Variants in E2F7 observed in about 807,000 individuals in gnomAD.
E2F7 encodes the protein transcription factor E2F7.
E2F7 carries 35 observed loss-of-function variants against 81.1 expected under a neutral mutation model. The observed-to-expected ratio is 0.43, with a 90% confidence interval of 0.33 to 0.57. E2F7 has a LOEUF of 0.57. Ranked by LOEUF, E2F7 falls within the 20% of genes least tolerant of loss-of-function variation. The pLI is 0.04. For missense variants in E2F7, 961 were observed against 1,093.7 expected (o/e 0.88, Z 1.71); for synonymous variants, 416 against 416.2 (o/e 1.00, Z 0.01).
intron 7 of E2F7, among the ~76,000 whole-genome samples, chr12:77,035,793 A>G (rs1412230088): frequency 1.3e-5 from 2 of 152,174 alleles, no homozygotes; most frequent in East Asian, 1.9e-4. Flanking sequence ...ACACTAAAAC[A>G]TATACTAGTA....
rs1201868587 is a variant in E2F7, at chr12:77,025,803, C to G, written c.2320G>C (p.Ala774Pro). The G allele has an allele frequency of 6.2e-7, 1 of 1,613,962 alleles. No individual in the cohort carries two copies. The highest frequency in any genetic ancestry group is 8.5e-7 in the Non-Finnish European group (1 of 1,180,020). ...TTCACAGGTCCTGTGTTTGGGAGAG[C>G]ACCAAGAGTAGAAGAAACCGGGCCC... is the stretch of plus-strand genomic sequence containing the variant. ...MPGPVSSTLG[A>P]LPNTGPVNFS... Residue 774 changes from alanine to proline, a missense_variant, in exon 12 of 13, where the codon GCT becomes CCT. Physicochemically the swap from Ala to Pro is conservative, Grantham distance 27. Transcript: ENST00000322886.
In E2F7 at chr12:77,030,022, G is replaced by T. The variant is rs376507921; in HGVS notation, c.1693C>A (p.Pro565Thr). 106 of 1,614,024 alleles carry T rather than the reference G, an allele frequency of 6.6e-5. No homozygotes were observed. Among genetic ancestry groups the T allele is most frequent in the Non-Finnish European group, 8.4e-5 (99 of 1,180,042 alleles). Reference sequence around the variant, plus strand: ...CTCTCTGACCCTGACCCTGACGCTGGTCCCTCCTGCAGACTTCCATACAGC... The same window carrying T: ...CTCTCTGACCCTGACCCTGACGCTGTTCCCTCCTGCAGACTTCCATACAGC... ...FMLYGSLQEG[P>T]ASGSGSERDD... The change falls in exon 10 of 13, where the codon CCA (proline) becomes ACA (threonine). Residue 565 changes from proline to threonine, a missense_variant. By Grantham distance (38) the Pro-to-Thr change is conservative. Coordinates refer to ENST00000322886, the MANE Select transcript of E2F7 (RefSeq NM_203394.3).
chr12:77,050,725 C>A lies in E2F7; in HGVS notation c.389G>T (p.Ser130Ile). ...DSLQLDVVGD[S>I]AVDEFEKQRP... The stretch of plus-strand genomic sequence containing the variant: ...TTGCTTTTCAAATTCGTCCACAGCA[C>A]TGTCCCCAACAACATCAAGCTACAG... The change falls in exon 4 of 13, where the codon AGT becomes ATT. Residue 130 changes from serine to isoleucine, a missense_variant. Physicochemically the swap from Ser to Ile is moderately radical, Grantham distance 142. Around this residue, in one of 3 missense-constraint regions of E2F7, gnomAD observed 301 missense variants for 405.0 expected, o/e 0.74. Coordinates refer to ENST00000322886, the MANE Select transcript of E2F7 (RefSeq NM_203394.3). The A allele has an allele frequency of 6.2e-7, 1 of 1,613,652 alleles. No homozygotes were observed. Among genetic ancestry groups the A allele is most frequent in the Non-Finnish European group, 8.5e-7 (1 of 1,179,812 alleles).
intron 6 of E2F7, 36 bp from the exon 7 acceptor site, chr12:77,043,235 C>T (rs368081512): frequency 6.2e-7 from 1 of 1,612,956 alleles, no homozygotes; most frequent in African/African-American, 1.3e-5. Context: ...GTCATGCTGC[C>T]TGTGACACCA....
chr12:77,042,181 C>T (rs1954899424), intron 7 of E2F7, among the ~76,000 whole-genome samples: 1 of 152,202 alleles, frequency 6.6e-6, no homozygotes, highest in African/African-American at 2.4e-5. Flanking sequence ...GTGTTACCCA[C>T]ATCTTCAATC....
At chr12:77,037,174 G>C (rs544455372) in intron 7 of E2F7, among the ~76,000 whole-genome samples, 251 of 152,248 alleles carry the variant, frequency 1.6e-3, no homozygotes, top group African/African-American at 5.8e-3. Context: ...AAATGTTAAA[G>C]TTCATCAGGC....
chr12:77,024,561 C>T (rs568591566), intron 12 of E2F7, among the ~76,000 whole-genome samples: 5 of 152,278 alleles, frequency 3.3e-5, no homozygotes, highest in African/African-American at 1.2e-4. Context: ...AATTGTAAAG[C>T]ACTTTAGAGC....
intron 11 of E2F7, among the ~76,000 whole-genome samples, chr12:77,027,331 A>C (rs1229181841): frequency 2.0e-5 from 3 of 152,214 alleles, no homozygotes; most frequent in African/African-American, 4.8e-5. Flanking sequence ...CTATTATTCT[A>C]AGTGCTTTAG....
At chr12:77,030,576 T>A (rs1044918846) in intron 9 of E2F7, among the ~76,000 whole-genome samples, 49 of 152,124 alleles carry the variant, frequency 3.2e-4, no homozygotes, top group African/African-American at 1.2e-3. Flanking sequence ...CAGGTGAGAG[T>A]GAACATTCAT....
At chr12:77,031,117 T>C (rs538017798) in intron 9 of E2F7, among the ~76,000 whole-genome samples, 6 of 152,250 alleles carry the variant, frequency 3.9e-5, no homozygotes, top group East Asian at 1.9e-4. Context: ...TCATGCCTCC[T>C]GTGGGGGGCC....
rs1340448473 is a variant in E2F7, at chr12:77,022,632, AAAG to A, written c.*1380_*1382del. ...TTTAAGAGAGGAAGAGGAAGGAAGA[AAAG>A]AAGTAGGAAGGAGGGAAGGAAGAGA... is the stretch of plus-strand genomic sequence containing the variant. On this transcript the variant is annotated 3_prime_UTR_variant, in exon 13 of 13. Coordinates refer to ENST00000322886, the MANE Select transcript of E2F7 (RefSeq NM_203394.3). 3.3e-5 allele frequency: 5 copies of A among 152,570 alleles called. No homozygotes were observed. Among genetic ancestry groups the A allele is most frequent in the African/African-American group, 1.2e-4 (5 of 41,440 alleles). The allele number at this position is 152,570 out of a possible 1,614,324, so 9.5% of individuals were successfully genotyped here. A position where few individuals can be genotyped will look rare whatever the true frequency, so the allele number is the denominator to read the frequency against.
intron 7 of E2F7, among the ~76,000 whole-genome samples, chr12:77,041,202 C>G (rs310787): frequency 6.6e-6 from 1 of 152,136 alleles, no homozygotes; most frequent in Admixed American, 6.5e-5. Context: ...TTACTTTCTT[C>G]TTTTTTGAGA....
At chr12:77,058,856 T>A (rs1447154679) in intron 2 of E2F7, among the ~76,000 whole-genome samples, 1 of 152,218 alleles carries the variant, frequency 6.6e-6, no homozygotes, top group African/African-American at 2.4e-5. Context: ...ACTTCCAGGA[T>A]GTGTGTCTTG....
In E2F7 at chr12:77,023,970, A is replaced by C; in HGVS notation, c.*45T>G. On this transcript the variant is annotated 3_prime_UTR_variant, in exon 13 of 13. Coordinates refer to ENST00000322886, the MANE Select transcript of E2F7 (RefSeq NM_203394.3). ...TTGCATCCCGCCTCGGACATCCGGG[A>C]CTCTCAGGGCGTTTGATCCCACCCC... 1.3e-6 allele frequency: 2 copies of C among 1,594,294 alleles called. No individual in the cohort carries two copies. The highest frequency in any genetic ancestry group is 1.1e-5 in the South Asian group (1 of 88,736).
chr12:77,062,317 G>C (rs779448936), intron 2 of E2F7, among the ~76,000 whole-genome samples: 3 of 152,092 alleles, frequency 2.0e-5, no homozygotes, highest in Non-Finnish European at 4.4e-5. Flanking sequence ...GACTTTCTAA[G>C]TATATTTGTT....
chr12:77,032,097 T>G (rs1954812594), intron 9 of E2F7, among the ~76,000 whole-genome samples: 1 of 152,268 alleles, frequency 6.6e-6, no homozygotes. Flanking sequence ...AGCTCAGCTC[T>G]GCCCTACAGC....
chr12:77,059,960 C>CAAAAA (rs59663589), intron 2 of E2F7, among the ~76,000 whole-genome samples: 2 of 77,218 alleles, frequency 2.6e-5, no homozygotes, highest in Non-Finnish European at 5.0e-5. Flanking sequence ...GATTCTGTCT[C>CAAAAA]AAAAAAAAAA....
In E2F7 at chr12:77,038,878, C is replaced by T. The variant is rs142917677; in HGVS notation, c.1123+4187G>A. 2.0e-5 allele frequency among the ~76,000 whole-genome samples: 3 copies of T among 152,216 alleles called. No individual in the cohort carries two copies. The East Asian group carries it at 5.8e-4, about 29-fold the overall frequency. Reference sequence around the variant, plus strand: ...CTTCACTGGAAAATTATTTATTTATCAATTCTTCACTGATAAATTCTTCCA... The same window carrying T: ...CTTCACTGGAAAATTATTTATTTATTAATTCTTCACTGATAAATTCTTCCA... On this transcript the variant is annotated intron_variant, in intron 7 of 12. Coordinates refer to ENST00000322886, the MANE Select transcript of E2F7 (RefSeq NM_203394.3).
intron 2 of E2F7, among the ~76,000 whole-genome samples, chr12:77,059,141 T>A (rs1955058490): frequency 6.6e-6 from 1 of 152,186 alleles, no homozygotes; most frequent in South Asian, 2.1e-4. Flanking sequence ...TTTTGATATA[T>A]TTTCACTGTA....
Sources: allele counts gnomAD v4.1 joint callset (sites outside exome capture counted in the v4.1 genomes callset), GRCh38; gene constraint gnomAD v4.1.1; regional missense constraint gnomAD v4.1.1; transcripts MANE v1.5; gene names NCBI Gene and HGNC (gene_info 2026-07-23, HGNC 2026-07-21).